GALNT13: variants seen among roughly 807,000 people sequenced by gnomAD.
GALNT13 encodes the protein UDP-GalNAc:polypeptide N-acetylgalactosaminyltransferase 13.
A neutral mutation model predicts 64.2 loss-of-function variants in GALNT13; 28 were observed. The observed-to-expected ratio is 0.44, with a 90% confidence interval of 0.32 to 0.60. The LOEUF (loss-of-function observed/expected upper bound fraction) is 0.60, where lower values mean the gene tolerates loss of function less well. Among genes scored for constraint, GALNT13 ranks in the 20% least tolerant of loss-of-function variants. GALNT13 has a pLI of 0.05. For synonymous variants in GALNT13, 214 were observed against 224.6 expected, an observed-to-expected ratio of 0.95 and a Z score of 0.42; for missense variants, 577 against 669.8, an observed-to-expected ratio of 0.86 and a Z score of 1.53.
chr2:153,444,948 G>A, the GALNT13 span, among the ~76,000 whole-genome samples: 1 of 152,130 alleles, frequency 6.6e-6, no homozygotes, highest in African/African-American at 2.4e-5. Context: ...TAGATTGAGT[G>A]TGTATATTTA....
intron 4 of GALNT13, among the ~76,000 whole-genome samples, chr2:154,233,239 T>A (rs1689023087): frequency 6.6e-6 from 1 of 152,096 alleles, no homozygotes; most frequent in African/African-American, 2.4e-5. Flanking sequence ...AGGTGGATAT[T>A]TGTAGACATA....
At chr2:153,307,071 C>A in the GALNT13 span, among the ~76,000 whole-genome samples, 2 of 152,176 alleles carry the variant, frequency 1.3e-5, no homozygotes, top group Admixed American at 1.3e-4. Context: ...TAGAAAGGTA[C>A]TTTTTTTCTA....
At chr2:153,500,064 C>T in the GALNT13 span, among the ~76,000 whole-genome samples, 3 of 152,194 alleles carry the variant, frequency 2.0e-5, no homozygotes, top group Non-Finnish European at 4.4e-5. Flanking sequence ...TCCAGATGGG[C>T]TGCTGCTGCC....
rs916999648 is a variant in GALNT13 at position 154,036,394 on chromosome 2, T to C, written c.142+91755T>C. ...CTTAACTTATGCAAAATTTATAGAA[T>C]GATGACAAAACAAAAGCTTCTGAGA... On this transcript the variant is annotated intron_variant, in intron 3 of 12. Transcript: ENST00000392825. Among the ~76,000 whole-genome samples, 3 of 152,094 alleles carry C rather than the reference T, an allele frequency of 2.0e-5. No homozygotes were observed. The East Asian group carries it at 5.8e-4, about 29-fold the overall frequency.
intron 4 of GALNT13, among the ~76,000 whole-genome samples, chr2:154,144,511 A>G (rs1015261521): frequency 2.3e-4 from 35 of 152,188 alleles, no homozygotes; most frequent in African/African-American, 8.0e-4. Context: ...AAGAAGCTGA[A>G]TTTATTTTAG....
At chr2:153,126,321 TA>T in the GALNT13 span, among the ~76,000 whole-genome samples, 329 of 125,864 alleles carry the variant, frequency 2.6e-3, 9 homozygotes, top group African/African-American at 8.9e-3. Flanking sequence ...TATATATATA[TA>T]TATATATATA....
At chr2:153,374,850 T>C in the GALNT13 span, among the ~76,000 whole-genome samples, 9 of 152,212 alleles carry the variant, frequency 5.9e-5, no homozygotes, top group African/African-American at 2.2e-4. Context: ...AATTGCTTTT[T>C]CCCTCACCTC....
chr2:153,691,019 T>A, the GALNT13 span, among the ~76,000 whole-genome samples: 1 of 152,128 alleles, frequency 6.6e-6, no homozygotes, highest in Non-Finnish European at 1.5e-5. Context: ...TTGAATGGTC[T>A]TACTGCACTT....
the GALNT13 span, among the ~76,000 whole-genome samples, chr2:153,160,791 G>A: frequency 6.6e-6 from 1 of 152,016 alleles, no homozygotes; most frequent in South Asian, 2.1e-4. Flanking sequence ...TATCATAGTG[G>A]TATCCTTGGA....
chr2:154,394,104 A>AAAC (rs1553523758), intron 9 of GALNT13, among the ~76,000 whole-genome samples: 2 of 146,364 alleles, frequency 1.4e-5, no homozygotes, highest in African/African-American at 2.5e-5. Flanking sequence ...AAAAAAAAAA[A>AAAC]GGTATGCAAA....
At chr2:154,444,548 G>C (rs1224146051) in intron 12 of GALNT13, among the ~76,000 whole-genome samples, 1 of 152,066 alleles carries the variant, frequency 6.6e-6, no homozygotes, top group Non-Finnish European at 1.5e-5. Context: ...AGTGTTAGCT[G>C]CTGCTGCTAT....
At chr2:153,892,187 A>G (rs1055772304) in intron 1 of GALNT13, among the ~76,000 whole-genome samples, 7 of 152,014 alleles carry the variant, frequency 4.6e-5, no homozygotes, top group African/African-American at 7.2e-5. Context: ...CACATTTCTC[A>G]TTGTTCCTCT....
At chr2:153,987,992 A>C (rs1383587481) in intron 3 of GALNT13, among the ~76,000 whole-genome samples, 1 of 151,768 alleles carries the variant, frequency 6.6e-6, no homozygotes, top group African/African-American at 2.4e-5. Context: ...AGAATGTTTT[A>C]AAAACTATTT....
At chr2:154,264,207 G>C (rs1030554834) in intron 8 of GALNT13, among the ~76,000 whole-genome samples, 1 of 152,200 alleles carries the variant, frequency 6.6e-6, no homozygotes, top group African/African-American at 2.4e-5. Context: ...GAAAAGGTTA[G>C]AGGTCTCATT....
the GALNT13 span, among the ~76,000 whole-genome samples, chr2:153,758,554 A>T: frequency 6.6e-6 from 1 of 152,090 alleles, no homozygotes; most frequent in Non-Finnish European, 1.5e-5. Context: ...TAGAATTTTC[A>T]TCAATATGTA....
At chr2:153,979,868 A>G (rs574038083) in intron 3 of GALNT13, among the ~76,000 whole-genome samples, 42 of 152,120 alleles carry the variant, frequency 2.8e-4, no homozygotes, top group Non-Finnish European at 5.3e-4. Flanking sequence ...AACCAAATGA[A>G]AGGTAGATTA....
chr2:154,054,886 T>C (rs1468935128), intron 3 of GALNT13, among the ~76,000 whole-genome samples: 1 of 152,050 alleles, frequency 6.6e-6, no homozygotes, highest in Non-Finnish European at 1.5e-5. Context: ...CATCTTAAAA[T>C]GGTCTTTAAA....
At chr2:154,287,175 C>A in intron 8 of GALNT13, 1 of 1,480,278 alleles carries the variant, frequency 6.8e-7, no homozygotes, top group Non-Finnish European at 9.3e-7. Context: ...AAACAATTGG[C>A]TCAGCAGGAA....
the GALNT13 span, among the ~76,000 whole-genome samples, chr2:153,719,282 T>C: frequency 6.6e-6 from 1 of 152,066 alleles, no homozygotes; most frequent in East Asian, 1.9e-4. Flanking sequence ...ATACTTAACT[T>C]ATCTATAGTC....
Sources: gnomAD v4.1 joint callset for allele counts (sites outside exome capture counted in the v4.1 genomes callset) on GRCh38, gnomAD v4.1.1 for gene constraint, MANE v1.5 for transcripts, NCBI Gene and HGNC (gene_info 2026-07-23, HGNC 2026-07-21) for gene names.